Variants in ATP2B1 observed in about 807,000 individuals in gnomAD.
The protein encoded by ATP2B1 is plasma membrane calcium-transporting ATPase 1.
Under a neutral mutation model 124.2 loss-of-function variants are expected in ATP2B1, and 14 were observed. The observed-to-expected ratio is 0.11, with a 90% CI of 0.07 to 0.18. The LOEUF (loss-of-function observed/expected upper bound fraction) is 0.18, where lower values mean the gene tolerates loss of function less well. Ranked by LOEUF, ATP2B1 falls within the 10% of genes least tolerant of loss-of-function variation. The probability of loss-of-function intolerance (pLI) is 1.00; values close to 1 mark genes in which losing one functional copy is unlikely to be tolerated. For missense variants in ATP2B1, 763 were observed against 1,466.1 expected, an observed-to-expected ratio of 0.52 and a Z score of 7.83; for synonymous variants, 449 against 492.4, an observed-to-expected ratio of 0.91 and a Z score of 1.17.
At chr12:89,601,286 A>C in intron 19 of ATP2B1, 40 bp downstream of exon 19, 1 of 1,365,456 alleles carries the variant, frequency 7.3e-7, no homozygotes, top group South Asian at 1.3e-5. Flanking sequence ...TAAAAAAAAA[A>C]ATCACTTTAG....
chr12:89,653,391 G>A (rs1885535930), intron 2 of ATP2B1, among the ~76,000 whole-genome samples: 1 of 144,784 alleles, frequency 6.9e-6, no homozygotes, highest in Admixed American at 7.3e-5. Context: ...CCGCTTCCCG[G>A]GTTCACGCTA....
At chr12:89,708,191 G>A (rs1410472266) in intron 1 of ATP2B1, among the ~76,000 whole-genome samples, 5 of 152,118 alleles carry the variant, frequency 3.3e-5, no homozygotes, top group African/African-American at 1.2e-4. Context: ...AGGGAGTGCC[G>A]GGCACGGTGC....
Position 89,642,146 on chromosome 12 carries a change from C to T in ATP2B1, c.406+12G>A. 3 of 1,598,494 alleles carry T rather than the reference C, an allele frequency of 1.9e-6. No individual in the cohort carries two copies. Among genetic ancestry groups the T allele is most frequent in the Non-Finnish European group, 2.6e-6 (3 of 1,170,924 alleles). ...AGCATCAGACATGTCTTTTTTCCCC[C>T]CATTTACTTACGTGCATTATCCCCT... On this transcript the variant is annotated intron_variant, in intron 3 of 20. Coordinates refer to ENST00000428670, the MANE Select transcript of ATP2B1 (RefSeq NM_001366521.1).
chr12:89,702,890 G>A (rs1892019401), intron 1 of ATP2B1, among the ~76,000 whole-genome samples: 1 of 152,052 alleles, frequency 6.6e-6, no homozygotes, highest in Non-Finnish European at 1.5e-5. Flanking sequence ...AGCTGACACT[G>A]TCCTAGGAAA....
rs373445787 is a variant in ATP2B1 at position 89,664,346 on chromosome 12, A to G, written c.-221-8239T>C. On this transcript the variant is annotated intron_variant, in intron 1 of 20. Coordinates refer to ENST00000428670, the MANE Select transcript of ATP2B1 (RefSeq NM_001366521.1). ...GCCAACAAAGTACTTAATTAAGCAG[A>G]GTATATGATAAAATTTTAATGTGAA... Among the ~76,000 whole-genome samples, 3 of 152,218 alleles carry G rather than the reference A, an allele frequency of 2.0e-5. No homozygotes were observed. In the East Asian group the frequency reaches 5.8e-4, roughly 29 times the overall value.
chr12:89,676,889 C>G (rs981324715), intron 1 of ATP2B1, among the ~76,000 whole-genome samples: 3 of 151,946 alleles, frequency 2.0e-5, no homozygotes, highest in African/African-American at 7.3e-5. Flanking sequence ...TATTATAGAA[C>G]ACAAAAAAAG....
intron 10 of ATP2B1, among the ~76,000 whole-genome samples, chr12:89,620,648 TC>T (rs1056870239): frequency 7.2e-5 from 11 of 152,218 alleles, no homozygotes; most frequent in African/African-American, 2.7e-4. Context: ...CAAAATTAAA[TC>T]TACCAATTTT....
rs1157167774 is a variant in ATP2B1 at position 89,603,752 on chromosome 12, T to C, written c.2808A>G (p.Ala936=). 2.5e-6 allele frequency: 4 copies of C among 1,614,132 alleles called. No homozygotes were observed. Among genetic ancestry groups the C allele is most frequent in the Non-Finnish European group, 3.4e-6 (4 of 1,179,972 alleles). The change falls in exon 17 of 21, where the codon GCA becomes GCG. Residue 936 remains alanine (A), a synonymous_variant. Transcript: ENST00000428670. The surrounding 1 kb of genome is among the most constrained non-coding windows in gnomAD (Gnocchi z 4.3). ...TAAAGACTACTACAAGTTGATAGAA[T>C]GCATGACCCAAAATATTCTTCATCA... is the stretch of plus-strand genomic sequence containing the variant. The part of the protein sequence containing the change: ...RTMMKNILGH[A]FYQLVVVFTL...
At chr12:89,677,971 T>TATATATATATATATATATATATATACAC (rs1461216851) in intron 1 of ATP2B1, among the ~76,000 whole-genome samples, 5 of 52,308 alleles carry the variant, frequency 9.6e-5, no homozygotes, top group Non-Finnish European at 1.6e-4. Context: ...TATATATATA[T>TATATATATATATATATATATATATACAC]ACACACACAC....
chr12:89,592,441 A>AT (rs1873756474), intron 20 of ATP2B1, among the ~76,000 whole-genome samples: 1 of 152,186 alleles, frequency 6.6e-6, no homozygotes, highest in Non-Finnish European at 1.5e-5. Context: ...ATTTCTTCAA[A>AT]TGAACATGTG....
chr12:89,677,856 C>A (rs187328729), intron 1 of ATP2B1, among the ~76,000 whole-genome samples: 1 of 151,206 alleles, frequency 6.6e-6, no homozygotes, highest in East Asian at 1.9e-4. Context: ...AATACCGTAA[C>A]TAGATGTTCA....
At chr12:89,625,768 T>G (rs1880776638) in intron 8 of ATP2B1, among the ~76,000 whole-genome samples, 1 of 152,042 alleles carries the variant, frequency 6.6e-6, no homozygotes, top group South Asian at 2.1e-4. Flanking sequence ...AAAGAGCAAA[T>G]ATTTGCTATT....
intron 9 of ATP2B1, among the ~76,000 whole-genome samples, chr12:89,623,937 T>C (rs959091410): frequency 6.6e-6 from 1 of 152,220 alleles, no homozygotes; most frequent in African/African-American, 2.4e-5. Flanking sequence ...TGCTAGAACT[T>C]TGCCCAGCAG....
intron 19 of ATP2B1, among the ~76,000 whole-genome samples, chr12:89,600,548 C>T (rs1231857811): frequency 6.6e-6 from 1 of 152,046 alleles, no homozygotes; most frequent in Non-Finnish European, 1.5e-5. Flanking sequence ...CATTTTGTGA[C>T]CCCTTTTTCC....
chr12:89,654,216 C>T (rs953230711), intron 2 of ATP2B1, among the ~76,000 whole-genome samples: 3 of 152,000 alleles, frequency 2.0e-5, no homozygotes, highest in Admixed American at 1.3e-4. Flanking sequence ...GAACTGTTCC[C>T]GATACTCTTA....
In ATP2B1 at chr12:89,603,553, A is replaced by G. The variant is rs887756717; in HGVS notation, c.2848+159T>C. ...TACTATCTAGCTTATTGTCCTCCCAAATTTACTAAGCACTCACTGATTAAG... is the reference window on the plus strand; with the variant it reads ...TACTATCTAGCTTATTGTCCTCCCAGATTTACTAAGCACTCACTGATTAAG... On this transcript the variant is annotated intron_variant, in intron 17 of 20. Transcript: ENST00000428670. The surrounding 1 kb of genome is among the most constrained non-coding windows in gnomAD (Gnocchi z 4.3). The G allele has an allele frequency of 7.8e-6, 6 of 770,880 alleles. No individual in the cohort carries two copies. The African/African-American group carries it at 1.1e-4, about 14-fold the overall frequency. The allele number at this position is 770,880 out of a possible 1,614,324, so 47.8% of individuals were successfully genotyped here.
intron 2 of ATP2B1, among the ~76,000 whole-genome samples, chr12:89,651,791 G>A (rs151254466): frequency 2.0e-5 from 3 of 152,286 alleles, no homozygotes; most frequent in African/African-American, 7.2e-5. Flanking sequence ...GGTCTCTGAA[G>A]CCAGAATAAG....
intron 15 of ATP2B1, among the ~76,000 whole-genome samples, chr12:89,606,282 A>G (rs1371133457): frequency 6.6e-6 from 1 of 152,226 alleles, no homozygotes; most frequent in East Asian, 1.9e-4. Flanking sequence ...CTTATATTAA[A>G]AAAATCAAAA....
chr12:89,664,413 T>C (rs1057426456), intron 1 of ATP2B1, among the ~76,000 whole-genome samples: 1 of 152,322 alleles, frequency 6.6e-6, no homozygotes, highest in East Asian at 1.9e-4. Flanking sequence ...AAATTTTTGG[T>C]CTACGGTCAA....
Sources: gnomAD v4.1 joint callset for allele counts (sites outside exome capture counted in the v4.1 genomes callset) on GRCh38, gnomAD v4.1.1 for gene constraint, Gnocchi (gnomAD v3.1) non-coding constraint, MANE v1.5 for transcripts, NCBI Gene and HGNC (gene_info 2026-07-23, HGNC 2026-07-21) for gene names.